The following ITPRID1 variants were observed in gnomAD, a reference collection of about 807,000 sequenced individuals.
The protein encoded by ITPRID1 is ITPR interacting domain containing 1.
ITPRID1 carries 96 observed loss-of-function variants against 95.4 expected under a neutral mutation model. The ratio of observed to expected loss-of-function variants is 1.01; its 90% CI spans 0.85 to 1.19. ITPRID1 has a LOEUF of 1.19. ITPRID1 is among the 50% of genes most tolerant of loss of function. The probability of loss-of-function intolerance (pLI) is 0.00; values close to 1 mark genes in which losing one functional copy is unlikely to be tolerated. For synonymous variants in ITPRID1, 510 were observed against 453.6 expected, an observed-to-expected ratio of 1.12 and a Z score of -1.58; for missense variants, 1,339 against 1,252.9, an observed-to-expected ratio of 1.07 and a Z score of -1.04.
At chr7:31,591,998 GA>G (rs1328764700) in intron 10 of ITPRID1, among the ~76,000 whole-genome samples, 7 of 152,008 alleles carry the variant, frequency 4.6e-5, no homozygotes, top group African/African-American at 1.2e-4. Context: ...CTTACAAAGA[GA>G]AAAAAATTTC....
chr7:31,635,925 G>A (rs1306702946), intron 10 of ITPRID1, among the ~76,000 whole-genome samples: 1 of 152,000 alleles, frequency 6.6e-6, no homozygotes, highest in Non-Finnish European at 1.5e-5. Flanking sequence ...ACATACCCTG[G>A]AACTTAAAAT....
intron 10 of ITPRID1, among the ~76,000 whole-genome samples, chr7:31,630,073 C>A (rs147861480): frequency 2.0e-5 from 3 of 151,900 alleles, no homozygotes; most frequent in African/African-American, 7.2e-5. Context: ...AAATTGTCAA[C>A]AAATACTGAT....
At chr7:31,616,193 TTAA>T (rs778784465) in intron 10 of ITPRID1, among the ~76,000 whole-genome samples, 6 of 134,132 alleles carry the variant, frequency 4.5e-5, no homozygotes, top group Non-Finnish European at 8.1e-5. Context: ...TGTTAATATA[TTAA>T]TAACATCTTA....
intron 10 of ITPRID1, among the ~76,000 whole-genome samples, chr7:31,596,787 G>C (rs1786105892): frequency 6.6e-6 from 1 of 151,488 alleles, no homozygotes; most frequent in African/African-American, 2.4e-5. Context: ...ATAGAGAATG[G>C]TTTTTAAAGC....
chr7:31,616,179 G>A (rs1477553759), intron 10 of ITPRID1, among the ~76,000 whole-genome samples: 1 of 145,602 alleles, frequency 6.9e-6, no homozygotes, highest in African/African-American at 2.5e-5. Context: ...CAAGAATTAT[G>A]ATTTGTTAAT....
intron 10 of ITPRID1, among the ~76,000 whole-genome samples, chr7:31,623,252 T>C (rs1194279486): frequency 2.6e-5 from 4 of 152,210 alleles, no homozygotes; most frequent in Admixed American, 6.5e-5. Context: ...TAACTCATTT[T>C]CTGAGGCCAG....
chr7:31,622,449 A>G (rs1026510641), intron 10 of ITPRID1, among the ~76,000 whole-genome samples: 27 of 151,548 alleles, frequency 1.8e-4, no homozygotes, highest in Non-Finnish European at 3.0e-4. Flanking sequence ...CAGGATTAAG[A>G]AACTCACTCA....
At position 31,577,924 on chromosome 7, in the gene ITPRID1, T is replaced by G; in HGVS notation, c.660T>G (p.Ser220Arg). 1 of 1,613,500 alleles carries G rather than the reference T, an allele frequency of 6.2e-7. No individual in the cohort carries two copies. Among genetic ancestry groups the G allele is most frequent in the Non-Finnish European group, 8.5e-7 (1 of 1,179,694 alleles). ...HVTNAFSSLL[S>R]DVSILPNRAE... ...CCAATGCCTTCTCATCTCTGCTGAG[T>G]GATGTCAGCATCCTGCCAAACAGAG... The change falls in exon 9 of 15, where the codon AGT becomes AGG. Residue 220 changes from serine to arginine, a missense_variant. By Grantham distance (110) the Ser-to-Arg change is moderately radical (BLOSUM62 -1). Transcript: ENST00000615280.
At chr7:31,563,191 G>C (rs542388267) in intron 5 of ITPRID1, among the ~76,000 whole-genome samples, 1 of 152,176 alleles carries the variant, frequency 6.6e-6, no homozygotes, top group Non-Finnish European at 1.5e-5. Context: ...AAACAAAGAG[G>C]CAAAGCAAGA....
chr7:31,549,612 T>A (rs1039905874), intron 2 of ITPRID1, 113 bp downstream of exon 2: 2 of 707,336 alleles, frequency 2.8e-6, no homozygotes, highest in Non-Finnish European at 2.1e-6. Flanking sequence ...TTTGAAAATT[T>A]CCCCAAGATG....
rs1427741918 is a variant in ITPRID1 at position 31,652,546 on chromosome 7, C to T, written c.2852C>T (p.Pro951Leu). The T allele has an allele frequency of 3.1e-6, 5 of 1,606,622 alleles. No homozygotes were observed. The Admixed American group carries it at 6.8e-5, about 22-fold the overall frequency. Reference protein sequence around the residue: ...LQLEVLTAEPPEHYSNLHQYN... With the variant: ...LQLEVLTAEPLEHYSNLHQYN... ...CTGGAGGTTCTCACAGCAGAGCCACCTGAACACTATTCAAATCTGCATCAA... is the reference window on the plus strand; with the variant it reads ...CTGGAGGTTCTCACAGCAGAGCCACTTGAACACTATTCAAATCTGCATCAA... Residue 951 changes from proline (P) to leucine (L), a missense_variant, in exon 15 of 15, where the codon CCT becomes CTT. Pro to Leu is a moderately conservative substitution (Grantham distance 98). Transcript: ENST00000615280.
At chr7:31,522,242 T>C (rs1783288855) in intron 1 of ITPRID1, among the ~76,000 whole-genome samples, 2 of 152,176 alleles carry the variant, frequency 1.3e-5, no homozygotes, top group African/African-American at 4.8e-5. Flanking sequence ...GATTAAAGTA[T>C]GTGAAAACAA....
chr7:31,582,598 G>A (rs1421454962), intron 9 of ITPRID1, among the ~76,000 whole-genome samples: 1 of 151,946 alleles, frequency 6.6e-6, no homozygotes, highest in Non-Finnish European at 1.5e-5. Context: ...ATAATTAGCT[G>A]TGTTGCTATT....
intron 11 of ITPRID1, 109 bp from the exon 12 acceptor site, chr7:31,642,573 A>G: frequency 3.1e-6 from 3 of 980,684 alleles, no homozygotes; most frequent in Non-Finnish European, 4.4e-6. Flanking sequence ...TGATGTTGCA[A>G]CCCTTATCTC....
At chr7:31,599,738 G>T (rs901975313) in intron 10 of ITPRID1, among the ~76,000 whole-genome samples, 1 of 141,436 alleles carries the variant, frequency 7.1e-6, no homozygotes, top group Non-Finnish European at 1.5e-5. Context: ...GTCTCTCTCT[G>T]TCGCCCAGGC....
intron 10 of ITPRID1, among the ~76,000 whole-genome samples, chr7:31,611,746 C>G (rs537458264): frequency 6.6e-6 from 1 of 151,828 alleles, no homozygotes; most frequent in Non-Finnish European, 1.5e-5. Context: ...TTAAAATATC[C>G]CTTGTATGTG....
chr7:31,640,525 CAAGA>C (rs1485053837), intron 10 of ITPRID1, among the ~76,000 whole-genome samples: 5 of 152,224 alleles, frequency 3.3e-5, no homozygotes, highest in Non-Finnish European at 7.3e-5. Flanking sequence ...CTTCTCATGC[CAAGA>C]CCTGTAAACT....
chr7:31,529,668 T>A (rs1783531538), intron 1 of ITPRID1: 1 of 1,002,322 alleles, frequency 1.0e-6, no homozygotes. Context: ...AGACAGAAAC[T>A]TGGGTCATAG....
At chr7:31,522,550 G>A (rs748124602) in intron 1 of ITPRID1, among the ~76,000 whole-genome samples, 15 of 152,220 alleles carry the variant, frequency 9.9e-5, no homozygotes, top group Non-Finnish European at 2.2e-4. Flanking sequence ...TGTAGAGCAA[G>A]TCCATATTAC....
Sources: allele counts gnomAD v4.1 joint callset (sites outside exome capture counted in the v4.1 genomes callset), GRCh38; gene constraint gnomAD v4.1.1; transcripts MANE v1.5; gene names NCBI Gene and HGNC (gene_info 2026-07-23, HGNC 2026-07-21).